Variants in CADM2 observed in about 807,000 individuals in gnomAD.
CADM2 encodes immunoglobulin superfamily member 4D.
In CADM2, 12 loss-of-function variants were observed where a neutral mutation model predicts 49.8. That is an observed-to-expected ratio of 0.24 (90% CI 0.15 to 0.39). CADM2 has a LOEUF of 0.39. Among genes scored for constraint, CADM2 ranks in the 10% least tolerant of loss-of-function variants. CADM2 has a pLI of 1.00. For synonymous variants in CADM2, 214 were observed against 175.4 expected (o/e 1.22, Z -1.74); for missense variants, 378 against 492.3 (o/e 0.77, Z 2.20).
intron 1 of CADM2, among the ~76,000 whole-genome samples, chr3:85,718,458 C>A (rs1454626683): frequency 6.6e-6 from 1 of 152,030 alleles, no homozygotes; most frequent in East Asian, 1.9e-4. Context: ...AGTTTAAGTT[C>A]TATTCTTGGC....
intron 1 of CADM2, among the ~76,000 whole-genome samples, chr3:85,686,626 A>G (rs1451025939): frequency 6.6e-6 from 1 of 152,210 alleles, no homozygotes; most frequent in Admixed American, 6.5e-5. Flanking sequence ...ATATAATACC[A>G]AAACTTGGTT....
chr3:85,402,896 G>T (rs1006067436), intron 1 of CADM2, among the ~76,000 whole-genome samples: 2 of 152,072 alleles, frequency 1.3e-5, no homozygotes, highest in African/African-American at 4.8e-5. Flanking sequence ...TTTTCAAATT[G>T]ATATCTTGTG....
chr3:85,895,883 C>T (rs1052208838), intron 5 of CADM2, among the ~76,000 whole-genome samples: 2 of 152,142 alleles, frequency 1.3e-5, no homozygotes, highest in African/African-American at 2.4e-5. Context: ...GAGGCCTCCC[C>T]AGCCATATGG....
At chr3:85,437,572 T>C (rs9878278) in intron 1 of CADM2, among the ~76,000 whole-genome samples, 155 of 152,228 alleles carry the variant, frequency 1.0e-3, no homozygotes, top group African/African-American at 3.6e-3. Flanking sequence ...CATCTCACTG[T>C]TGTTTTAATT....
chr3:85,528,068 C>T (rs566678780), intron 1 of CADM2, among the ~76,000 whole-genome samples: 1 of 152,268 alleles, frequency 6.6e-6, no homozygotes, highest in East Asian at 1.9e-4. Flanking sequence ...ACTTTTGCCA[C>T]CATCTCGCAA....
chr3:85,570,601 G>A (rs774682936), intron 1 of CADM2, among the ~76,000 whole-genome samples: 6 of 152,040 alleles, frequency 3.9e-5, no homozygotes, highest in South Asian at 2.1e-4. Flanking sequence ...AATAGGTAGC[G>A]TTTTTAAAAA....
intron 3 of CADM2, among the ~76,000 whole-genome samples, chr3:85,863,144 A>G (rs1374731485): frequency 6.6e-6 from 1 of 152,174 alleles, no homozygotes; most frequent in East Asian, 1.9e-4. Flanking sequence ...AATGACTAAG[A>G]TAAGATGAAA....
chr3:85,328,492 A>C (rs966752934), intron 1 of CADM2, among the ~76,000 whole-genome samples: 1 of 152,216 alleles, frequency 6.6e-6, no homozygotes, highest in African/African-American at 2.4e-5. Context: ...CCCACAGGAC[A>C]GCCAATGACA....
At chr3:85,958,710 A>G (rs1279621418) in intron 7 of CADM2, among the ~76,000 whole-genome samples, 1 of 152,024 alleles carries the variant, frequency 6.6e-6, no homozygotes, top group Non-Finnish European at 1.5e-5. Context: ...ATGGAATACT[A>G]TGCAGCCATA....
chr3:84,990,939 A>G (rs554607650), intron 1 of CADM2, among the ~76,000 whole-genome samples: 2 of 152,222 alleles, frequency 1.3e-5, no homozygotes, highest in Non-Finnish European at 2.9e-5. Flanking sequence ...ATAAGGTAAA[A>G]TAATTTATAG....
chr3:84,966,002 G>A (rs1009157160), intron 1 of CADM2, among the ~76,000 whole-genome samples: 1 of 152,088 alleles, frequency 6.6e-6, no homozygotes, highest in Non-Finnish European at 1.5e-5. Context: ...TCAGATAAAA[G>A]GAACTAACGT....
At chr3:85,506,697 G>A (rs1433223228) in intron 1 of CADM2, among the ~76,000 whole-genome samples, 1 of 151,912 alleles carries the variant, frequency 6.6e-6, no homozygotes, top group Non-Finnish European at 1.5e-5. Context: ...ATACCCCATG[G>A]CTTCTGCTAT....
chr3:85,797,893 C>A (rs1433029269), intron 2 of CADM2, among the ~76,000 whole-genome samples: 1 of 152,210 alleles, frequency 6.6e-6, no homozygotes, highest in Non-Finnish European at 1.5e-5. Context: ...AAAAGCGTGC[C>A]TGTATCTCCA....
chr3:85,218,185 G>T (rs946444843), intron 1 of CADM2, among the ~76,000 whole-genome samples: 3 of 152,110 alleles, frequency 2.0e-5, no homozygotes, highest in African/African-American at 7.2e-5. Context: ...TGGAAATTGT[G>T]TACTAGCTTA....
chr3:85,570,090 G>C (rs2062432166), intron 1 of CADM2, among the ~76,000 whole-genome samples: 1 of 152,076 alleles, frequency 6.6e-6, no homozygotes, highest in Admixed American at 6.5e-5. Context: ...GATTACTTTT[G>C]TGAATGTAGT....
At chr3:85,845,786 T>G (rs944729790) in intron 3 of CADM2, among the ~76,000 whole-genome samples, 1 of 152,176 alleles carries the variant, frequency 6.6e-6, no homozygotes, top group African/African-American at 2.4e-5. Context: ...AAATGAGAGA[T>G]GATAAAACAA....
At chr3:86,029,182 G>A (rs1489642100) in intron 8 of CADM2, among the ~76,000 whole-genome samples, 1 of 152,126 alleles carries the variant, frequency 6.6e-6, no homozygotes, top group Non-Finnish European at 1.5e-5. Context: ...TTACCTTGCT[G>A]GGCAATTGAA....
intron 1 of CADM2, among the ~76,000 whole-genome samples, chr3:85,106,024 G>A (rs886342705): frequency 3.3e-5 from 5 of 151,908 alleles, no homozygotes; most frequent in African/African-American, 4.8e-5. Context: ...CAGCACACCA[G>A]CATGGCACAT....
intron 8 of CADM2, among the ~76,000 whole-genome samples, chr3:86,039,898 G>A (rs141336219): frequency 0.048 from 7,340 of 152,212 alleles, 386 homozygotes; most frequent in African/African-American, 0.14. Context: ...CCAGAGGAAC[G>A]ATCAGGCAGC....
Sources: gnomAD v4.1 joint callset for allele counts (sites outside exome capture counted in the v4.1 genomes callset) on GRCh38, gnomAD v4.1.1 for gene constraint, MANE v1.5 for transcripts, NCBI Gene and HGNC (gene_info 2026-07-23, HGNC 2026-07-21) for gene names.